Variants in CBLB observed in about 807,000 individuals in gnomAD.
The protein encoded by CBLB is E3 ubiquitin-protein ligase CBL-B.
In CBLB, 31 loss-of-function variants were observed where a neutral mutation model predicts 104.9. The ratio of observed to expected loss-of-function variants is 0.30; its 90% CI spans 0.22 to 0.40. The LOEUF (loss-of-function observed/expected upper bound fraction) is 0.40. Ranked by LOEUF, CBLB falls within the 10% of genes least tolerant of loss-of-function variation. CBLB has a pLI of 1.00. For missense variants in CBLB, 1,062 were observed against 1,214.6 expected (o/e 0.87, Z 1.87); for synonymous variants, 440 against 422.6 (o/e 1.04, Z -0.51).
intron 3 of CBLB, among the ~76,000 whole-genome samples, chr3:105,826,959 G>A (rs1258612352): frequency 9.2e-5 from 14 of 152,224 alleles, no homozygotes; most frequent in Middle Eastern, 3.4e-3. Flanking sequence ...TGCAAGATGC[G>A]TGGTATTTAC....
chr3:105,698,291 CTTAAT>C (rs1382795048), intron 12 of CBLB, among the ~76,000 whole-genome samples: 1 of 151,862 alleles, frequency 6.6e-6, no homozygotes, highest in African/African-American at 2.4e-5. Context: ...GTAATTAGAG[CTTAAT>C]TTATTTCCAT....
intron 4 of CBLB, among the ~76,000 whole-genome samples, chr3:105,769,060 T>A (rs1409808783): frequency 6.6e-6 from 1 of 152,194 alleles, no homozygotes; most frequent in African/African-American, 2.4e-5. Context: ...ATGCCTATAA[T>A]CCCAGCACTT....
chr3:105,780,660 G>GTTTT (rs58640968), intron 3 of CBLB, among the ~76,000 whole-genome samples: 3,479 of 93,914 alleles, frequency 0.037, 303 homozygotes, highest in African/African-American at 0.056. Context: ...TTTGTTTTTT[G>GTTTT]TTTTTTTTTT....
intron 3 of CBLB, among the ~76,000 whole-genome samples, chr3:105,793,926 CTATGAA>C (rs1199089679): frequency 1.3e-5 from 2 of 152,212 alleles, no homozygotes; most frequent in Non-Finnish European, 2.9e-5. Context: ...AGTTATTCAT[CTATGAA>C]TATGAAGTAT....
chr3:105,866,347 AAG>A (rs1338209590), intron 2 of CBLB, among the ~76,000 whole-genome samples: 1 of 152,212 alleles, frequency 6.6e-6, no homozygotes, highest in African/African-American at 2.4e-5. Context: ...AATCAAAGCA[AAG>A]ATGAATGTTA....
At position 105,658,917 on chromosome 3, in the gene CBLB, C is replaced by G. The variant is rs910714675; in HGVS notation, c.*53G>C. On this transcript the variant is annotated 3_prime_UTR_variant, in exon 19 of 19. Coordinates refer to ENST00000394030, the MANE Select transcript of CBLB (RefSeq NM_170662.5). The stretch of plus-strand genomic sequence containing the variant: ...TCCATCTCAGTTCTCTTTATTTCCA[C>G]ACTCTTGGAATACATCGATTGCTTT... 14 of 1,585,016 alleles carry G rather than the reference C, an allele frequency of 8.8e-6. No homozygotes were observed. The highest frequency in any genetic ancestry group is 6.7e-5 in the Admixed American group (4 of 59,706).
intron 18 of CBLB, among the ~76,000 whole-genome samples, chr3:105,669,519 T>G (rs571673001): frequency 6.6e-6 from 1 of 152,156 alleles, no homozygotes; most frequent in African/African-American, 2.4e-5. Flanking sequence ...CTGAACTGAC[T>G]AGGACAAGCA....
At chr3:105,726,297 T>C (rs1192609358) in intron 9 of CBLB, among the ~76,000 whole-genome samples, 2 of 152,234 alleles carry the variant, frequency 1.3e-5, no homozygotes, top group Non-Finnish European at 2.9e-5. Context: ...AATCAGAGTT[T>C]ATTGATTTTT....
At chr3:105,837,693 TAC>T (rs1560469681) in intron 3 of CBLB, among the ~76,000 whole-genome samples, 1 of 152,202 alleles carries the variant, frequency 6.6e-6, no homozygotes, top group African/African-American at 2.4e-5. Flanking sequence ...TGAGAATACA[TAC>T]AGTTAAGAGT....
At chr3:105,678,196 C>T (rs1310626864) in intron 17 of CBLB, among the ~76,000 whole-genome samples, 1 of 152,152 alleles carries the variant, frequency 6.6e-6, no homozygotes, top group South Asian at 2.1e-4. Flanking sequence ...ACAATCTCTA[C>T]AGCATCATTT....
rs1576060563 is a variant in CBLB at position 105,658,990 on chromosome 3, A to C, written c.2929T>G (p.Ser977Ala). The C allele has an allele frequency of 6.2e-7, 1 of 1,613,484 alleles. No homozygotes were observed. Among genetic ancestry groups the C allele is most frequent in the Non-Finnish European group, 8.5e-7 (1 of 1,179,864 alleles). ...GGCTGCTATAGATTTAGACGTGGGG[A>C]TACTGGAGGAGGGAAGGCAAATTCT... ...LREFAFPPPV[S>A]PRLNL Residue 977 changes from serine (S) to alanine (A), a missense_variant, in exon 19 of 19, where the codon TCC becomes GCC. Transcript: ENST00000394030.
At chr3:105,761,967 G>A (rs1436366354) in intron 4 of CBLB, among the ~76,000 whole-genome samples, 1 of 152,196 alleles carries the variant, frequency 6.6e-6, no homozygotes, top group Non-Finnish European at 1.5e-5. Flanking sequence ...GTTGGGAACT[G>A]AAGTAAAGGT....
At chr3:105,743,044 C>G (rs1338365336) in intron 6 of CBLB, among the ~76,000 whole-genome samples, 1 of 152,112 alleles carries the variant, frequency 6.6e-6, no homozygotes, top group African/African-American at 2.4e-5. Flanking sequence ...TCTCATGCAC[C>G]TTTTTCCTAT....
Position 105,658,973 on chromosome 3 carries a change from T to C in CBLB, c.2946A>G (p.Leu982=), listed in dbSNP as rs1285399643. Residue 982 remains leucine (L), a synonymous_variant, in exon 19 of 19, where the codon CTA becomes CTG. Coordinates refer to ENST00000394030, the MANE Select transcript of CBLB (RefSeq NM_170662.5). ...TTGGTGTCTACAGTTCTGGCTGCTA[T>C]AGATTTAGACGTGGGGATACTGGAG... The part of the protein sequence containing the change: ...FPPPVSPRLN[L] The C allele has an allele frequency of 6.2e-7, 1 of 1,613,858 alleles. No homozygotes were observed.
At chr3:105,869,149 G>T, upstream of CBLB, 1 of 675,870 alleles carries the variant, frequency 1.5e-6, no homozygotes, top group South Asian at 1.7e-5. Context: ...GGAGGCGCCC[G>T]TCCTCCTCGC....
intron 2 of CBLB, among the ~76,000 whole-genome samples, chr3:105,864,780 G>A (rs948367091): frequency 6.6e-6 from 1 of 152,038 alleles, no homozygotes; most frequent in African/African-American, 2.4e-5. Context: ...AAATTCCAGA[G>A]GCCAAGAAAT....
rs573293508 is a variant in CBLB at position 105,657,373 on chromosome 3, C to T, written c.*1597G>A. On this transcript the variant is annotated 3_prime_UTR_variant, in exon 19 of 19. Coordinates refer to ENST00000394030, the MANE Select transcript of CBLB (RefSeq NM_170662.5). ...AATATGCACAAACCCACAATTAGTCCATATTTAGAAAACTTTCTGTGGGTT... is the reference window on the plus strand; with the variant it reads ...AATATGCACAAACCCACAATTAGTCTATATTTAGAAAACTTTCTGTGGGTT... 55 of 214,526 alleles carry T rather than the reference C, an allele frequency of 2.6e-4. 1 individual carries two copies. The highest frequency in any genetic ancestry group is 4.7e-4 in the Admixed American group (8 of 17,100). 13.3% of individuals were successfully genotyped at this position (214,526 alleles called of 1,614,324 possible).
At chr3:105,813,739 T>C (rs1433862154) in intron 3 of CBLB, among the ~76,000 whole-genome samples, 2 of 152,162 alleles carry the variant, frequency 1.3e-5, no homozygotes, top group African/African-American at 2.4e-5. Flanking sequence ...GCTATACATA[T>C]GGAACCAATA....
At chr3:105,850,761 C>T (rs562062412) in intron 3 of CBLB, among the ~76,000 whole-genome samples, 1 of 152,266 alleles carries the variant, frequency 6.6e-6, no homozygotes, top group Non-Finnish European at 1.5e-5. Context: ...TCACTTAAGT[C>T]AAAATACACA....
Sources: gnomAD v4.1 joint callset for allele counts (sites outside exome capture counted in the v4.1 genomes callset) on GRCh38, gnomAD v4.1.1 for gene constraint, MANE v1.5 for transcripts, NCBI Gene and HGNC (gene_info 2026-07-23, HGNC 2026-07-21) for gene names.